SHC2: variants seen among roughly 807,000 people sequenced by gnomAD.
The protein encoded by SHC2 is SHC adaptor protein 2.
In SHC2, 62 loss-of-function variants were observed where a neutral mutation model predicts 60.6. That is an observed-to-expected ratio of 1.02 (90% CI 0.83 to 1.26). The LOEUF (loss-of-function observed/expected upper bound fraction) is 1.26, where lower values mean the gene tolerates loss of function less well. Ranked by LOEUF, SHC2 falls within the 50% of genes most tolerant of loss-of-function variation. The pLI is 0.00. For synonymous variants in SHC2, 375 were observed against 372.4 expected (o/e 1.01, Z -0.08); for missense variants, 873 against 822.2 (o/e 1.06, Z -0.76).
At chr19:436,110 C>A in intron 7 of SHC2, 55 bp downstream of exon 7, 1 of 1,589,014 alleles carries the variant, frequency 6.3e-7, no homozygotes, top group Non-Finnish European at 8.6e-7. Context: ...AGGCTCTGCA[C>A]CTGGGCAGGT....
rs200342510 is a variant in SHC2 at position 422,279 on chromosome 19, G to A, written c.1487C>T (p.Ala496Val). Reference sequence around the variant, plus strand: ...GTCAGCTCGAAGCATCCTCTCTGCCGCCCGGCGGCTCATCCGGCCGTGGTA... The same window carrying A: ...GTCAGCTCGAAGCATCCTCTCTGCCACCCGGCGGCTCATCCGGCCGTGGTA... ...PWYHGRMSRR[A>V]AERMLRADGD... is the part of the protein sequence containing the mutation. Residue 496 changes from alanine to valine, a missense_variant, in exon 11 of 13, where the codon GCG becomes GTG. Transcript: ENST00000264554. The surrounding 1 kb of genome is among the most constrained non-coding windows in gnomAD (Gnocchi z 5.0). 1.2e-5 allele frequency: 19 copies of A among 1,612,324 alleles called. No individual in the cohort carries two copies. Among genetic ancestry groups the A allele is most frequent in the East Asian group, 1.1e-4 (5 of 44,842 alleles).
At position 436,703 on chromosome 19, in the gene SHC2, A is replaced by T. The variant is rs1439141255; in HGVS notation, c.721-20T>A. On this transcript the variant is annotated intron_variant, in intron 4 of 12. Transcript: ENST00000264554. ...GATGACCTGTGGCGGCAGGAGGCACACGCGGTCATGGGGGCCCCGCTTCGA... is the reference window on the plus strand; with the variant it reads ...GATGACCTGTGGCGGCAGGAGGCACTCGCGGTCATGGGGGCCCCGCTTCGA... 6.3e-7 allele frequency: 1 copy of T among 1,599,358 alleles called. No individual in the cohort carries two copies.
intron 1 of SHC2, among the ~76,000 whole-genome samples, chr19:455,779 G>A (rs945520888): frequency 2.0e-5 from 3 of 152,122 alleles, no homozygotes; most frequent in African/African-American, 4.8e-5. Flanking sequence ...TCCCTTGGCT[G>A]GGGGCCCCTT....
rs114430317 is a variant in SHC2 at position 447,286 on chromosome 19, G to A, written c.469-6354C>T. 9.3e-3 allele frequency among the ~76,000 whole-genome samples: 1,411 copies of A among 151,472 alleles called. 15 individuals carry two copies. Among genetic ancestry groups the A allele is most frequent in the African/African-American group, 0.032 (1,321 of 41,254 alleles). On this transcript the variant is annotated intron_variant, in intron 1 of 12. Transcript: ENST00000264554. ...ATCCACAGAGGCAGGAAGGGGACGC[G>A]TGGGCGCCGGGGATGGGGAGGGGGT...
intron 1 of SHC2, among the ~76,000 whole-genome samples, chr19:449,717 C>T (rs551575408): frequency 5.9e-5 from 9 of 151,808 alleles, no homozygotes; most frequent in Middle Eastern, 3.4e-3. Context: ...GCCGAGATTG[C>T]GCCATTGCAC....
In SHC2 at chr19:440,537, G is replaced by A. The variant is rs936697964; in HGVS notation, c.539+325C>T. Among the ~76,000 whole-genome samples, 6 of 152,210 alleles carry A rather than the reference G, an allele frequency of 3.9e-5. No homozygotes were observed. Among genetic ancestry groups the A allele is most frequent in the East Asian group, 1.9e-4 (1 of 5,194 alleles). On this transcript the variant is annotated intron_variant, in intron 2 of 12. Transcript: ENST00000264554. The surrounding 1 kb of genome is among the most constrained non-coding windows in gnomAD (Gnocchi z 7.0). ...CGTGTGGAAAACAGAGCAGGGACAC[G>A]GAGACGCCACTGGGCCCCGGTCCCA... is the stretch of plus-strand genomic sequence containing the variant.
At chr19:419,153 G>A in intron 11 of SHC2, 97 bp from the exon 12 acceptor site, 2 of 1,394,586 alleles carry the variant, frequency 1.4e-6, no homozygotes, top group Non-Finnish European at 1.9e-6. Context: ...GAGCCCCTAG[G>A]GTGCCTGCAT....
rs779698494 is a variant in SHC2 at position 439,023 on chromosome 19, T to C, written c.547A>G (p.Ile183Val). The stretch of plus-strand genomic sequence containing the variant: ...GGCACGGCCTCATGGAGCCGGTTGA[T>C]GGCTTCCCTGGGGTTGGGAGGAGGG... ...NTRTQVTREA[I>V]NRLHEAVPGV... The change falls in exon 3 of 13, where the codon ATC becomes GTC. Residue 183 changes from isoleucine to valine, a missense_variant. Ile to Val is a conservative substitution (Grantham distance 29, BLOSUM62 3). Transcript: ENST00000264554. The C allele has an allele frequency of 6.3e-6, 9 of 1,430,854 alleles. No homozygotes were observed. Among genetic ancestry groups the C allele is most frequent in the Admixed American group, 3.9e-5 (2 of 50,756 alleles). The allele number at this position is 1,430,854 out of a possible 1,614,324, so 88.6% of individuals were successfully genotyped here.
intron 1 of SHC2, among the ~76,000 whole-genome samples, chr19:442,927 GTGGATGGATGGGTGGGTGAATGGA>G (rs1974933684): frequency 1.5e-5 from 2 of 134,190 alleles, no homozygotes; most frequent in Non-Finnish European, 3.2e-5. Flanking sequence ...GGGTGGATGG[GTGGATGGATGGGTGGGTGAATGGA>G]TGGATGGACG....
intron 1 of SHC2, among the ~76,000 whole-genome samples, chr19:448,522 T>C (rs1045551651): frequency 1.3e-5 from 2 of 152,210 alleles, no homozygotes; most frequent in African/African-American, 4.8e-5. Context: ...GTAACTCCAG[T>C]GTGGCCTCAT....
At chr19:443,320 G>GACA (rs1974955457) in intron 1 of SHC2, among the ~76,000 whole-genome samples, 1 of 138,084 alleles carries the variant, frequency 7.2e-6, no homozygotes, top group African/African-American at 3.3e-5. Flanking sequence ...GTGGATGGGT[G>GACA]GATGGATGGA....
intron 1 of SHC2, among the ~76,000 whole-genome samples, chr19:455,878 C>T (rs11666069): frequency 6.6e-6 from 1 of 152,036 alleles, no homozygotes; most frequent in Admixed American, 6.5e-5. Flanking sequence ...CCCAAATCAT[C>T]CCATCTCAGG....
chr19:434,268 A>C (rs79852247), intron 8 of SHC2, among the ~76,000 whole-genome samples: 43 of 2,886 alleles, frequency 0.015, no homozygotes, highest in East Asian at 0.056. Flanking sequence ...GAGTGAGATC[A>C]TGAGTGAGAT....
chr19:427,357 C>G (rs995847007), intron 9 of SHC2, among the ~76,000 whole-genome samples: 2 of 152,194 alleles, frequency 1.3e-5, no homozygotes, highest in Non-Finnish European at 2.9e-5. Context: ...TCAGCATGCA[C>G]TGGAGAGAAG....
chr19:427,275 C>T (rs981462206), intron 9 of SHC2, among the ~76,000 whole-genome samples: 1 of 152,230 alleles, frequency 6.6e-6, no homozygotes, highest in African/African-American at 2.4e-5. Context: ...ACTGCACAGC[C>T]GCCTCCAGGG....
At chr19:419,674 C>T (rs925816075) in intron 11 of SHC2, 1 of 152,266 alleles carries the variant, frequency 6.6e-6, no homozygotes. Context: ...CTGCTTTAAG[C>T]CACTTCGTGT....
rs887586587 is a variant in SHC2, at chr19:416,973, C to T, written c.*355G>A. 6.5e-5 allele frequency: 10 copies of T among 152,740 alleles called. No individual in the cohort carries two copies. Among genetic ancestry groups the T allele is most frequent in the African/African-American group, 1.7e-4 (7 of 41,454 alleles). 9.5% of individuals were successfully genotyped at this position (152,740 alleles called of 1,614,324 possible). ...CAGGGTCCTGGGAGCCCTGACTCTC[C>T]GGGGCGTTAGACCGAACCAGCCAGG... On this transcript the variant is annotated 3_prime_UTR_variant, in exon 13 of 13. Coordinates refer to ENST00000264554, the MANE Select transcript of SHC2 (RefSeq NM_012435.3).
At chr19:448,828 G>A (rs1975107772) in intron 1 of SHC2, among the ~76,000 whole-genome samples, 1 of 152,116 alleles carries the variant, frequency 6.6e-6, no homozygotes, top group South Asian at 2.1e-4. Context: ...TGGATCCCAG[G>A]ACGGAACAAC....
Position 422,492 on chromosome 19 carries a change from G to C in SHC2, c.1310-36C>G. On this transcript the variant is annotated intron_variant, in intron 10 of 12. Transcript: ENST00000264554. The surrounding 1 kb of genome is among the most constrained non-coding windows in gnomAD (Gnocchi z 5.0). ...GGGACAGGAGTGCTGGGCAGGCAGG[G>C]GGCAAGCAGCTACTCCTGCCGGGAC... 6.9e-7 allele frequency: 1 copy of C among 1,459,226 alleles called. No individual in the cohort carries two copies. 90.4% of individuals were successfully genotyped at this position (1,459,226 alleles called of 1,614,324 possible).
Sources: gnomAD v4.1 joint callset for allele counts (sites outside exome capture counted in the v4.1 genomes callset) on GRCh38, gnomAD v4.1.1 for gene constraint, Gnocchi (gnomAD v3.1) non-coding constraint, MANE v1.5 for transcripts, NCBI Gene and HGNC (gene_info 2026-07-23, HGNC 2026-07-21) for gene names.